SERGEF: variants seen among roughly 807,000 people sequenced by gnomAD.
SERGEF encodes the protein secretion regulating guanine nucleotide exchange factor.
In SERGEF, 51 loss-of-function variants were observed where a neutral mutation model predicts 50.0. The observed-to-expected ratio is 1.02, with a 90% CI of 0.81 to 1.29. The LOEUF (loss-of-function observed/expected upper bound fraction) is 1.29. Among genes scored for constraint, SERGEF ranks in the 50% most tolerant of loss-of-function variants. SERGEF has a pLI of 0.00. For synonymous variants in SERGEF, 205 were observed against 212.4 expected, an observed-to-expected ratio of 0.97 and a Z score of 0.30; for missense variants, 521 against 557.0, an observed-to-expected ratio of 0.94 and a Z score of 0.65.
rs185036140 is a variant in SERGEF at position 17,991,358 on chromosome 11, C to G, written c.685+1573G>C. 2.7e-3 allele frequency among the ~76,000 whole-genome samples: 405 copies of G among 152,250 alleles called. 3 individuals are homozygous for G. The highest frequency in any genetic ancestry group is 8.9e-3 in the African/African-American group (370 of 41,554). On this transcript the variant is annotated intron_variant, in intron 7 of 10. Coordinates refer to ENST00000265965, the MANE Select transcript of SERGEF (RefSeq NM_012139.4). This position sits in a 1 kb window ranked among gnomAD's most constrained non-coding sequence, Gnocchi z 4.9. ...AGAATTTTTAAGAAGTTGAAGTTGG[C>G]AAACAATTAGACAAGCTCTAGGTTT...
chr11:17,830,623 AGAGG>A (rs1260576910), intron 10 of SERGEF, among the ~76,000 whole-genome samples: 1 of 127,262 alleles, frequency 7.9e-6, no homozygotes, highest in African/African-American at 3.1e-5. Flanking sequence ...AGAGAGAGAG[AGAGG>A]GAAAGGGGGA....
chr11:17,978,301 T>G (rs959419490), intron 8 of SERGEF, among the ~76,000 whole-genome samples: 1 of 152,174 alleles, frequency 6.6e-6, no homozygotes, highest in African/African-American at 2.4e-5. Flanking sequence ...ATGTTCTTAT[T>G]CAACCAATTG....
In SERGEF at chr11:17,894,070, A is replaced by G. The variant is rs377292145; in HGVS notation, c.1012-15826T>C. ...TTTTGCTCCACATTGCCGAAGTCCA[A>G]ATTCCTTTGTCTGGTATTTAAGATC... On this transcript the variant is annotated intron_variant, in intron 9 of 10. Coordinates refer to ENST00000265965, the MANE Select transcript of SERGEF (RefSeq NM_012139.4). Among the ~76,000 whole-genome samples the G allele has an allele frequency of 3.3e-5, 5 of 152,248 alleles. No homozygotes were observed. The South Asian group carries it at 1.0e-3, about 32-fold the overall frequency.
intron 10 of SERGEF, among the ~76,000 whole-genome samples, chr11:17,818,048 G>C (rs1850011080): frequency 6.6e-6 from 1 of 152,192 alleles, no homozygotes; most frequent in African/African-American, 2.4e-5. Flanking sequence ...CAGACTTGAG[G>C]ATTGGGAGAG....
intron 9 of SERGEF, among the ~76,000 whole-genome samples, chr11:17,956,979 A>G (rs781008504): frequency 6.6e-6 from 1 of 152,202 alleles, no homozygotes; most frequent in African/African-American, 2.4e-5. Context: ...ATACATGCCT[A>G]GCAGGCCAGA....
At chr11:17,806,582 C>A (rs1849760402) in intron 10 of SERGEF, among the ~76,000 whole-genome samples, 1 of 152,176 alleles carries the variant, frequency 6.6e-6, no homozygotes, top group Non-Finnish European at 1.5e-5. Flanking sequence ...AGTTCCACAG[C>A]CTCTGTATTG....
chr11:17,812,916 C>T (rs568976396), intron 10 of SERGEF, among the ~76,000 whole-genome samples: 1 of 152,280 alleles, frequency 6.6e-6, no homozygotes, highest in East Asian at 1.9e-4. Context: ...CCTCCAAAGC[C>T]TCGGGTGCTT....
At chr11:17,906,826 G>A (rs375079027) in intron 9 of SERGEF, among the ~76,000 whole-genome samples, 614 of 132,414 alleles carry the variant, frequency 4.6e-3, no homozygotes, top group African/African-American at 5.9e-3. Context: ...TATCAAATAA[G>A]AAAAAAAAAA....
At chr11:17,820,604 T>A (rs1219311440) in intron 10 of SERGEF, among the ~76,000 whole-genome samples, 1 of 152,216 alleles carries the variant, frequency 6.6e-6, no homozygotes, top group Admixed American at 6.5e-5. Context: ...AAGGTGAATA[T>A]ACAAAGACCT....
At chr11:17,795,894 A>T (rs1849564300) in intron 10 of SERGEF, among the ~76,000 whole-genome samples, 1 of 152,250 alleles carries the variant, frequency 6.6e-6, no homozygotes, top group Admixed American at 6.5e-5. Context: ...CACTGTTTGC[A>T]ACTGCAAAAG....
intron 9 of SERGEF, among the ~76,000 whole-genome samples, chr11:17,907,182 A>C (rs1201844376): frequency 5.3e-5 from 8 of 151,724 alleles, no homozygotes; most frequent in Admixed American, 3.3e-4. Flanking sequence ...AAAAAAAAAA[A>C]ATGTACTTTC....
chr11:17,981,107 T>C (rs1449257705), intron 8 of SERGEF, among the ~76,000 whole-genome samples: 1 of 152,184 alleles, frequency 6.6e-6, no homozygotes, highest in Non-Finnish European at 1.5e-5. Flanking sequence ...TCCCCTGAAA[T>C]CCTAGAGCCT....
chr11:17,962,044 A>G (rs143084916), intron 8 of SERGEF, among the ~76,000 whole-genome samples: 70 of 152,312 alleles, frequency 4.6e-4, no homozygotes, highest in African/African-American at 1.6e-3. Flanking sequence ...GTTGAGTTCA[A>G]TCAACAACCA....
intron 10 of SERGEF, chr11:17,855,572 A>AT (rs1850803017): frequency 6.6e-6 from 1 of 152,196 alleles, no homozygotes; most frequent in African/African-American, 2.4e-5. Flanking sequence ...GGACAAAGAG[A>AT]TGATTCATGT....
intron 5 of SERGEF, among the ~76,000 whole-genome samples, chr11:18,000,168 C>G (rs903471289): frequency 1.3e-5 from 2 of 152,172 alleles, no homozygotes; most frequent in African/African-American, 4.8e-5. Context: ...GGAGGGCAGG[C>G]TGGGCACAGT....
At chr11:18,008,807 AG>A (rs1318672435) in intron 1 of SERGEF, among the ~76,000 whole-genome samples, 1 of 151,868 alleles carries the variant, frequency 6.6e-6, no homozygotes, top group Admixed American at 6.6e-5. Flanking sequence ...GCTGAACTTC[AG>A]CCCCCAAATG....
intron 8 of SERGEF, among the ~76,000 whole-genome samples, chr11:17,985,207 G>A (rs1476872527): frequency 6.6e-6 from 1 of 152,194 alleles, no homozygotes; most frequent in East Asian, 1.9e-4. Flanking sequence ...CAACTACTAA[G>A]TCTTTAATTT....
rs772470767 is a variant in SERGEF, at chr11:18,004,470, G to A, written c.418C>T (p.Arg140Ter). The A allele has an allele frequency of 1.2e-5, 19 of 1,613,702 alleles. No individual in the cohort carries two copies. Among genetic ancestry groups the A allele is most frequent in the East Asian group, 2.2e-5 (1 of 44,892 alleles). ...ATGGCCTGGGGAACCACACATCTTC[G>A]AGGTCCATGAGGAACTCCTAACTGG... ...FGQLGVPHGP[R>*]RCVVPQAIEL... is the part of the protein sequence containing the mutation. The change falls in exon 4 of 11, where the codon CGA (arginine) becomes TGA (stop). Residue 140 changes from arginine to a stop codon, truncating the protein, a stop_gained. Coordinates refer to ENST00000265965, the MANE Select transcript of SERGEF (RefSeq NM_012139.4). LOFTEE classifies it high-confidence loss of function.
At chr11:17,818,940 T>C (rs559244014) in intron 10 of SERGEF, among the ~76,000 whole-genome samples, 4 of 152,342 alleles carry the variant, frequency 2.6e-5, no homozygotes, top group Admixed American at 1.3e-4. Context: ...GGGAAACTCC[T>C]ACTCATCTTT....
Sources: allele counts gnomAD v4.1 joint callset (sites outside exome capture counted in the v4.1 genomes callset), GRCh38; gene constraint gnomAD v4.1.1; non-coding constraint Gnocchi (gnomAD v3.1); transcripts MANE v1.5; gene names NCBI Gene and HGNC (gene_info 2026-07-23, HGNC 2026-07-21).